Variants in CLNK observed in about 807,000 individuals in gnomAD.
CLNK encodes the protein cytokine-dependent hematopoietic cell linker.
Under a neutral mutation model 68.6 loss-of-function variants are expected in CLNK, and 74 were observed. The ratio of observed to expected loss-of-function variants is 1.08; its 90% CI spans 0.89 to 1.31. CLNK has a LOEUF of 1.31. CLNK is among the 50% of genes most tolerant of loss of function. CLNK has a pLI of 0.00. For synonymous variants in CLNK, 198 were observed against 172.2 expected (o/e 1.15, Z -1.17); for missense variants, 553 against 515.3 (o/e 1.07, Z -0.71).
chr4:10,569,302 T>C (rs1046404603), intron 5 of CLNK, among the ~76,000 whole-genome samples: 2 of 151,540 alleles, frequency 1.3e-5, no homozygotes, highest in East Asian at 3.9e-4. Flanking sequence ...TCTGATAGGA[T>C]TAGTGTTCTT....
At chr4:10,498,475 G>C (rs1386646023) in intron 18 of CLNK, among the ~76,000 whole-genome samples, 1 of 152,166 alleles carries the variant, frequency 6.6e-6, no homozygotes, top group Admixed American at 6.5e-5. Flanking sequence ...CTGGGTGACA[G>C]AGCAAGACTC....
the CLNK span, among the ~76,000 whole-genome samples, chr4:10,713,701 T>C: frequency 6.6e-6 from 1 of 152,114 alleles, no homozygotes; most frequent in Non-Finnish European, 1.5e-5. Context: ...CCTGCAATAA[T>C]GAGTTCTTAC....
At chr4:10,665,381 T>C (rs1180581693) in intron 2 of CLNK, among the ~76,000 whole-genome samples, 1 of 152,012 alleles carries the variant, frequency 6.6e-6, no homozygotes, top group Non-Finnish European at 1.5e-5. Context: ...TTAAAAGACA[T>C]AGAGTCGGGC....
chr4:10,499,465 G>A (rs1405797261), intron 18 of CLNK, among the ~76,000 whole-genome samples: 1 of 152,138 alleles, frequency 6.6e-6, no homozygotes, highest in East Asian at 1.9e-4. Context: ...ATTCCTCTCC[G>A]AGTCTCAAAA....
the CLNK span, among the ~76,000 whole-genome samples, chr4:10,692,900 T>C: frequency 6.6e-6 from 1 of 152,252 alleles, no homozygotes; most frequent in Non-Finnish European, 1.5e-5. Context: ...TGCCATATAA[T>C]TTGACCATTA....
At chr4:10,652,381 CAAAA>C (rs67304153) in intron 2 of CLNK, among the ~76,000 whole-genome samples, 118 of 50,720 alleles carry the variant, frequency 2.3e-3, no homozygotes, top group South Asian at 4.7e-3. Context: ...GACTCTGTCT[CAAAA>C]AAAAAAAAAA....
At chr4:10,657,746 A>G (rs530637298) in intron 2 of CLNK, among the ~76,000 whole-genome samples, 2 of 152,312 alleles carry the variant, frequency 1.3e-5, no homozygotes, top group Admixed American at 1.3e-4. Flanking sequence ...GACGGCCAAC[A>G]CAGGATTTTA....
At chr4:10,688,215 G>T (rs1306028631), upstream of CLNK, among the ~76,000 whole-genome samples, 6 of 152,168 alleles carry the variant, frequency 3.9e-5, no homozygotes, top group Non-Finnish European at 5.9e-5. Context: ...TGAGTTGTGG[G>T]TAAGTGATTT....
chr4:10,630,526 T>G (rs1277090475), intron 2 of CLNK, among the ~76,000 whole-genome samples: 1 of 152,150 alleles, frequency 6.6e-6, no homozygotes, highest in East Asian at 1.9e-4. Flanking sequence ...GGAGCCACTG[T>G]CTCTCCAAAT....
At chr4:10,581,485 A>G (rs1245627487) in intron 4 of CLNK, among the ~76,000 whole-genome samples, 2 of 152,176 alleles carry the variant, frequency 1.3e-5, no homozygotes, top group Non-Finnish European at 2.9e-5. Context: ...AGATAGTCCA[A>G]ACTCACAGAA....
At chr4:10,571,663 C>T (rs1720359006) in intron 5 of CLNK, 78 bp downstream of exon 5, 1 of 1,160,496 alleles carries the variant, frequency 8.6e-7, no homozygotes, top group African/African-American at 1.5e-5. Context: ...AAACATTTTA[C>T]CCAGTATCTT....
intron 13 of CLNK, among the ~76,000 whole-genome samples, chr4:10,527,459 T>G (rs1343209567): frequency 3.3e-5 from 5 of 152,270 alleles, no homozygotes; most frequent in Non-Finnish European, 5.9e-5. Flanking sequence ...TAACCTAATG[T>G]TGCTCTGTTG....
At chr4:10,542,098 G>A in intron 9 of CLNK, 57 bp from the exon 10 acceptor site, 1 of 1,419,600 alleles carries the variant, frequency 7.0e-7, no homozygotes, top group Admixed American at 2.1e-5. Flanking sequence ...CAGGGCCAAT[G>A]GCTAACAGTT....
upstream of CLNK, among the ~76,000 whole-genome samples, chr4:10,687,655 G>A (rs755489341): frequency 6.6e-6 from 1 of 152,276 alleles, no homozygotes; most frequent in African/African-American, 2.4e-5. Flanking sequence ...CCTATACAGC[G>A]AAAGGTGGCT....
chr4:10,491,949 C>T (rs182347116), intron 18 of CLNK, among the ~76,000 whole-genome samples: 9 of 152,232 alleles, frequency 5.9e-5, no homozygotes, highest in Admixed American at 2.0e-4. Context: ...CTCTCTGAGC[C>T]TTCAATGTCC....
intron 2 of CLNK, chr4:10,656,706 A>T (rs923194945): frequency 6.6e-6 from 1 of 152,160 alleles, no homozygotes; most frequent in African/African-American, 2.4e-5. Context: ...TCCTAGGAAT[A>T]TACCTTCTGT....
chr4:10,734,621 G>T, the CLNK span, among the ~76,000 whole-genome samples: 1 of 152,176 alleles, frequency 6.6e-6, no homozygotes, highest in South Asian at 2.1e-4. Flanking sequence ...AATCCCAGCT[G>T]CCATCACAAA....
intron 8 of CLNK, among the ~76,000 whole-genome samples, chr4:10,550,929 A>G (rs1719422794): frequency 6.6e-6 from 1 of 152,184 alleles, no homozygotes; most frequent in African/African-American, 2.4e-5. Context: ...AAGCACTGAG[A>G]TTCCACGCAG....
intron 16 of CLNK, among the ~76,000 whole-genome samples, chr4:10,511,015 G>A (rs1272996109): frequency 1.3e-5 from 2 of 152,200 alleles, no homozygotes; most frequent in Non-Finnish European, 2.9e-5. Context: ...AGCCGTGAGT[G>A]GTGGCAACAT....
Sources: gnomAD v4.1 joint callset for allele counts (sites outside exome capture counted in the v4.1 genomes callset) on GRCh38, gnomAD v4.1.1 for gene constraint, MANE v1.5 for transcripts, NCBI Gene and HGNC (gene_info 2026-07-23, HGNC 2026-07-21) for gene names.